The following GRIK3 variants were observed in gnomAD, a reference collection of about 807,000 sequenced individuals.
GRIK3 encodes the protein glutamate receptor ionotropic, kainate 3.
In GRIK3, 29 loss-of-function variants were observed where a neutral mutation model predicts 102.5. That is an observed-to-expected ratio of 0.28 (90% confidence interval 0.21 to 0.39). The LOEUF (loss-of-function observed/expected upper bound fraction) is 0.39, where lower values mean the gene tolerates loss of function less well. Ranked by LOEUF, GRIK3 falls within the 10% of genes least tolerant of loss-of-function variation. The pLI is 1.00. For missense variants in GRIK3, 908 were observed against 1,252.4 expected (o/e 0.73, Z 4.15); for synonymous variants, 511 against 504.9 (o/e 1.01, Z -0.16).
At chr1:36,974,999 G>A (rs1373476852) in intron 1 of GRIK3, among the ~76,000 whole-genome samples, 1 of 152,048 alleles carries the variant, frequency 6.6e-6, no homozygotes, top group Non-Finnish European at 1.5e-5. Flanking sequence ...TGGGAGGAGG[G>A]GTAATGGGGA....
Position 37,007,609 on chromosome 1 carries a change from AG to A in GRIK3, c.115+26384del, listed in dbSNP as rs527936857. Among the ~76,000 whole-genome samples, 10 of 152,372 alleles carry A rather than the reference AG, an allele frequency of 6.6e-5. No individual in the cohort carries two copies. The East Asian group carries it at 1.7e-3, about 26-fold the overall frequency. On this transcript the variant is annotated intron_variant, in intron 1 of 15. Coordinates refer to ENST00000373091, the MANE Select transcript of GRIK3 (RefSeq NM_000831.4). ...CAAGCTCCTTGGGAAATTCCAGATG[AG>A]GACGCACAAACGCTCCCGCACTATG...
chr1:37,017,369 TAAAAAAAA>T lies in GRIK3; in HGVS notation c.115+16617_115+16624del, dbSNP rs774819790. Among the ~76,000 whole-genome samples the T allele has an allele frequency of 2.3e-4, 11 of 48,524 alleles. No homozygotes were observed. In the South Asian group the frequency reaches 4.5e-3, roughly 20 times the overall value. The allele number at this position is 48,524 out of a possible 152,430, so 31.8% of individuals were successfully genotyped here. On this transcript the variant is annotated intron_variant, in intron 1 of 15. Coordinates refer to ENST00000373091, the MANE Select transcript of GRIK3 (RefSeq NM_000831.4). Reference sequence around the variant, plus strand: ...GGCAACATAGTGAGACCCTGTCTCTTAAAAAAAAAAAAAAAAAAAAAAAAAAGAAGAAG... The same window carrying T: ...GGCAACATAGTGAGACCCTGTCTCTTAAAAAAAAAAAAAAAAAAGAAGAAG...
At chr1:36,949,582 T>C (rs1312256203) in intron 1 of GRIK3, among the ~76,000 whole-genome samples, 1 of 132,016 alleles carries the variant, frequency 7.6e-6, no homozygotes, top group Admixed American at 7.2e-5. Context: ...TTCTTTTTTT[T>C]TTTTTTTTTT....
chr1:36,907,500 C>A (rs1641296756), intron 1 of GRIK3, among the ~76,000 whole-genome samples: 1 of 152,130 alleles, frequency 6.6e-6, no homozygotes, highest in African/African-American at 2.4e-5. Flanking sequence ...ATACTGACAC[C>A]AGCTCCTGCT....
chr1:36,845,692 G>C (rs1475744079), intron 9 of GRIK3, among the ~76,000 whole-genome samples: 1 of 152,198 alleles, frequency 6.6e-6, no homozygotes, highest in Non-Finnish European at 1.5e-5. Flanking sequence ...TGTCTGCCTA[G>C]CCCTTCTCAG....
chr1:37,007,458 T>C (rs1221024256), intron 1 of GRIK3, among the ~76,000 whole-genome samples: 21 of 151,878 alleles, frequency 1.4e-4, no homozygotes, highest in Admixed American at 1.4e-3. Context: ...CTAGAGGAGG[T>C]GGGATCCGAT....
rs554233738 is a variant in GRIK3, at chr1:36,972,583, G to A, written c.115+61411C>T. ...ACTCTTATTCCCCTTTCCCTCAGGT[G>A]GGCTGAGCCAGGTTACGTTCAGGGA... On this transcript the variant is annotated intron_variant, in intron 1 of 15. Transcript: ENST00000373091. Among the ~76,000 whole-genome samples the A allele has an allele frequency of 9.2e-5, 14 of 152,312 alleles. No individual in the cohort carries two copies. In the South Asian group the frequency reaches 2.9e-3, roughly 32 times the overall value.
intron 1 of GRIK3, among the ~76,000 whole-genome samples, chr1:36,892,002 T>G (rs1259490502): frequency 6.6e-6 from 1 of 151,912 alleles, no homozygotes; most frequent in Non-Finnish European, 1.5e-5. Flanking sequence ...AAGTGTGCAG[T>G]TCCAGTTTTA....
Position 36,842,719 on chromosome 1 carries a change from C to G in GRIK3, c.1327-780G>C, listed in dbSNP as rs549799413. Among the ~76,000 whole-genome samples, 6 of 152,348 alleles carry G rather than the reference C, an allele frequency of 3.9e-5. No homozygotes were observed. In the East Asian group the frequency reaches 1.2e-3, roughly 29 times the overall value. On this transcript the variant is annotated intron_variant, in intron 9 of 15. Coordinates refer to ENST00000373091, the MANE Select transcript of GRIK3 (RefSeq NM_000831.4). ...TCCAGCAGAGCTCAGCAGACAGGAGCTGGTATCGCCTCATTTCACCTTAAT... is the reference window on the plus strand; with the variant it reads ...TCCAGCAGAGCTCAGCAGACAGGAGGTGGTATCGCCTCATTTCACCTTAAT...
At chr1:36,828,674 G>A (rs561829930) in intron 10 of GRIK3, among the ~76,000 whole-genome samples, 1 of 152,306 alleles carries the variant, frequency 6.6e-6, no homozygotes, top group Admixed American at 6.5e-5. Flanking sequence ...GCTTTGGGAG[G>A]TTCTGTCCTC....
At chr1:37,017,749 A>G (rs988386839) in intron 1 of GRIK3, among the ~76,000 whole-genome samples, 4 of 151,966 alleles carry the variant, frequency 2.6e-5, no homozygotes, top group Non-Finnish European at 4.4e-5. Context: ...ACTCTCTCCA[A>G]CCTCACTAGA....
rs1570733314 is a variant in GRIK3, at chr1:36,804,055, T to A, written c.2565+932A>T. Among the ~76,000 whole-genome samples, 4 of 152,368 alleles carry A rather than the reference T, an allele frequency of 2.6e-5. No homozygotes were observed. The South Asian group carries it at 8.3e-4, about 32-fold the overall frequency. On this transcript the variant is annotated intron_variant, in intron 15 of 15. Transcript: ENST00000373091. ...TACCTGCATAGACTTCCCTCAGCAATGCTGGACAGCGTCCCTTCGGTTACA... is the reference window on the plus strand; with the variant it reads ...TACCTGCATAGACTTCCCTCAGCAAAGCTGGACAGCGTCCCTTCGGTTACA...
At chr1:36,816,987 T>C in intron 13 of GRIK3, 73 bp downstream of exon 13, 1 of 1,043,544 alleles carries the variant, frequency 9.6e-7, no homozygotes, top group South Asian at 1.4e-5. Flanking sequence ...GAGACCCCCT[T>C]TCCTCTTCTG....
intron 1 of GRIK3, among the ~76,000 whole-genome samples, chr1:36,906,449 C>T (rs923019204): frequency 3.9e-5 from 6 of 152,134 alleles, no homozygotes; most frequent in Non-Finnish European, 8.8e-5. Flanking sequence ...GGACTTAATA[C>T]ACAGTAGCTA....
chr1:36,953,928 G>A (rs1361027368), intron 1 of GRIK3, among the ~76,000 whole-genome samples: 1 of 152,146 alleles, frequency 6.6e-6, no homozygotes, highest in Non-Finnish European at 1.5e-5. Flanking sequence ...GACAATTAGA[G>A]GGCAGAGGAC....
chr1:36,934,528 T>C (rs888599172), intron 1 of GRIK3, among the ~76,000 whole-genome samples: 11 of 152,156 alleles, frequency 7.2e-5, no homozygotes, highest in African/African-American at 2.7e-4. Flanking sequence ...AACTCTTATC[T>C]CTCAGGTCTC....
At chr1:36,809,998 C>T (rs995304399) in intron 13 of GRIK3, among the ~76,000 whole-genome samples, 2 of 152,120 alleles carry the variant, frequency 1.3e-5, no homozygotes, top group African/African-American at 4.8e-5. Context: ...TAGAATGGTC[C>T]CCACTGTCCT....
chr1:36,932,755 G>A (rs2124315292), intron 1 of GRIK3, among the ~76,000 whole-genome samples: 1 of 152,164 alleles, frequency 6.6e-6, no homozygotes, highest in East Asian at 1.9e-4. Flanking sequence ...AGAGGATAGA[G>A]AGGCAGTTAC....
intron 3 of GRIK3, among the ~76,000 whole-genome samples, chr1:36,874,807 C>T (rs1218092226): frequency 6.6e-6 from 1 of 152,168 alleles, no homozygotes; most frequent in Non-Finnish European, 1.5e-5. Context: ...GTCAGCCAAG[C>T]ACATCGCCCC....
Sources: gnomAD v4.1 joint callset for allele counts (sites outside exome capture counted in the v4.1 genomes callset) on GRCh38, gnomAD v4.1.1 for gene constraint, MANE v1.5 for transcripts, NCBI Gene and HGNC (gene_info 2026-07-23, HGNC 2026-07-21) for gene names.